The following UPF2 variants were observed in gnomAD, a reference collection of about 807,000 sequenced individuals.
The protein encoded by UPF2 is regulator of nonsense transcripts 2.
In UPF2, 17 loss-of-function variants were observed where a neutral mutation model predicts 141.4. The ratio of observed to expected loss-of-function variants is 0.12; its 90% CI spans 0.08 to 0.18. UPF2 has a LOEUF of 0.18. Among genes scored for constraint, UPF2 ranks in the 10% least tolerant of loss-of-function variants. The pLI is 1.00. For missense variants in UPF2, 1,152 were observed against 1,515.9 expected, an observed-to-expected ratio of 0.76 and a Z score of 3.99; for synonymous variants, 540 against 498.0, an observed-to-expected ratio of 1.08 and a Z score of -1.12.
intron 19 of UPF2, among the ~76,000 whole-genome samples, chr10:11,934,883 C>T (rs747916029): frequency 1.1e-4 from 17 of 152,094 alleles, no homozygotes; most frequent in Non-Finnish European, 2.1e-4. Context: ...CCACTATGCC[C>T]GGCCACACAC....
At position 11,922,635 on chromosome 10, in the gene UPF2, C is replaced by T. The variant is rs559087235; in HGVS notation, c.3810-1328G>A. ...GTCATTTGACTGGTTTATAAGCAAA[C>T]AATCATTCTGAGTGACTCAAAAATC... On this transcript the variant is annotated intron_variant, in intron 21 of 21. Transcript: ENST00000357604. 2.0e-5 allele frequency among the ~76,000 whole-genome samples: 3 copies of T among 152,274 alleles called. No homozygotes were observed. In the South Asian group the frequency reaches 6.2e-4, roughly 32 times the overall value.
chr10:11,923,792 T>TTG (rs1832677344), intron 21 of UPF2, among the ~76,000 whole-genome samples: 1 of 151,866 alleles, frequency 6.6e-6, no homozygotes, highest in Admixed American at 6.6e-5. Context: ...TGAGCCGAGA[T>TTG]CCCGGCACTG....
At position 11,942,697 on chromosome 10, in the gene UPF2, C is replaced by T; in HGVS notation, c.3346G>A (p.Ala1116Thr). 6.2e-7 allele frequency: 1 copy of T among 1,613,988 alleles called. No individual in the cohort carries two copies. Residue 1116 changes from alanine to threonine, a missense_variant, in exon 18 of 22, where the codon GCT becomes ACT. By Grantham distance (58) the Ala-to-Thr change is moderately conservative. Coordinates refer to ENST00000357604, the MANE Select transcript of UPF2 (RefSeq NM_015542.4). ...TTTTCTAGCATCATTTTATCCAGAG[C>T]TTGAATGAAGTCCTCATCTTCTACA... ...PCVEDEDFIQ[A>T]LDKMMLENLQ...
intron 4 of UPF2, among the ~76,000 whole-genome samples, chr10:12,005,007 TA>T (rs1056387431): frequency 2.6e-5 from 4 of 152,086 alleles, no homozygotes; most frequent in African/African-American, 9.7e-5. Flanking sequence ...AGCCATTTGA[TA>T]AATTAGGTCT....
Position 11,939,242 on chromosome 10 carries a change from C to T in UPF2, c.3379-2530G>A, listed in dbSNP as rs1832906107. Among the ~76,000 whole-genome samples, 3 of 152,210 alleles carry T rather than the reference C, an allele frequency of 2.0e-5. No homozygotes were observed. The South Asian group carries it at 6.2e-4, about 32-fold the overall frequency. ...AAGGAATACTAACAGTATCTGACAG[C>T]ACTATGCAAAGAATAGATGTAAAGC... On this transcript the variant is annotated intron_variant, in intron 18 of 21. Coordinates refer to ENST00000357604, the MANE Select transcript of UPF2 (RefSeq NM_015542.4). This position sits in a 1 kb window ranked among gnomAD's most constrained non-coding sequence, Gnocchi z 4.8.
intron 3 of UPF2, among the ~76,000 whole-genome samples, chr10:12,017,741 CA>C (rs1366778260): frequency 6.6e-6 from 1 of 152,098 alleles, no homozygotes; most frequent in Non-Finnish European, 1.5e-5. Flanking sequence ...CTTTTACTCC[CA>C]TTTTTTTATT....
chr10:12,026,773 C>G lies in UPF2; in HGVS notation c.1145+1972G>C, dbSNP rs909813750. On this transcript the variant is annotated intron_variant, in intron 3 of 21. Transcript: ENST00000357604. ...TCAAGTGATTCTCCTGCCTCAGTCCCCCACAAGTAGCTGGGATTACCGGGG... is the reference window on the plus strand; with the variant it reads ...TCAAGTGATTCTCCTGCCTCAGTCCGCCACAAGTAGCTGGGATTACCGGGG... 7.2e-4 allele frequency: 288 copies of G among 402,712 alleles called. 1 individual carries two copies. Among genetic ancestry groups the G allele is most frequent in the African/African-American group, 5.3e-3 (251 of 47,308 alleles). The allele number at this position is 402,712 out of a possible 1,614,324, so 24.9% of individuals were successfully genotyped here. A position where few individuals can be genotyped will look rare whatever the true frequency, so the allele number is the denominator to read the frequency against.
At chr10:11,997,164 G>C (rs1228806989) in intron 8 of UPF2, among the ~76,000 whole-genome samples, 1 of 152,100 alleles carries the variant, frequency 6.6e-6, no homozygotes, top group Non-Finnish European at 1.5e-5. Flanking sequence ...TGTGTGTCTT[G>C]AATTACTAGC....
Position 12,028,808 on chromosome 10 carries a change from G to A in UPF2, c.1082C>T (p.Thr361Met), listed in dbSNP as rs551914378. ...CCTTTTCAGGTGTTTGGTCAAAGACGTAAAGTACTCTTTTAAAAGATTCTG... is the reference window on the plus strand; with the variant it reads ...CCTTTTCAGGTGTTTGGTCAAAGACATAAAGTACTCTTTTAAAAGATTCTG... ...PFQNLLKEYF[T>M]SLTKHLKRDH... Residue 361 changes from threonine to methionine, a missense_variant, in exon 3 of 22, where the codon ACG becomes ATG. Transcript: ENST00000357604. The A allele has an allele frequency of 5.6e-6, 9 of 1,614,066 alleles. No homozygotes were observed. The highest frequency in any genetic ancestry group is 2.7e-5 in the African/African-American group (2 of 75,046).
chr10:11,986,619 C>T (rs1655236715), intron 8 of UPF2, among the ~76,000 whole-genome samples: 1 of 152,054 alleles, frequency 6.6e-6, no homozygotes, highest in Admixed American at 6.6e-5. Context: ...AACGCTGTTA[C>T]GGTGCAATTA....
chr10:11,972,387 TTTA>T (rs1833434124), intron 9 of UPF2, among the ~76,000 whole-genome samples: 2 of 152,302 alleles, frequency 1.3e-5, no homozygotes, highest in Non-Finnish European at 2.9e-5. Flanking sequence ...CTCTCTTTTT[TTTA>T]TTATTATTAT....
At chr10:11,993,371 G>A (rs892528022) in intron 8 of UPF2, among the ~76,000 whole-genome samples, 3 of 151,966 alleles carry the variant, frequency 2.0e-5, no homozygotes, top group East Asian at 1.9e-4. Flanking sequence ...GCAACACATC[G>A]GGAGTCACAC....
In UPF2 at chr10:12,008,147, G is replaced by C. The variant is rs1834066336; in HGVS notation, c.1307-3420C>G. On this transcript the variant is annotated intron_variant, in intron 4 of 21. Transcript: ENST00000357604. ...CTCCACTCACCTCAGCCTCCCAAGTGCTTTTATAAATCAATTTTTTAAAAA... is the reference window on the plus strand; with the variant it reads ...CTCCACTCACCTCAGCCTCCCAAGTCCTTTTATAAATCAATTTTTTAAAAA... Among the ~76,000 whole-genome samples the C allele has an allele frequency of 2.0e-5, 3 of 151,812 alleles. No individual in the cohort carries two copies. The South Asian group carries it at 6.3e-4, about 32-fold the overall frequency.
intron 3 of UPF2, among the ~76,000 whole-genome samples, chr10:12,026,819 A>G (rs568186731): frequency 1.3e-5 from 2 of 151,906 alleles, no homozygotes; most frequent in African/African-American, 4.8e-5. Context: ...TGCCCGGCTA[A>G]TTTTTGCATT....
intron 3 of UPF2, among the ~76,000 whole-genome samples, chr10:12,024,345 G>C (rs757528558): frequency 2.6e-5 from 4 of 152,012 alleles, no homozygotes; most frequent in Non-Finnish European, 5.9e-5. Context: ...CACAGTGGCT[G>C]ACGCCTATAA....
chr10:11,947,359 A>T (rs1833013954), intron 16 of UPF2, among the ~76,000 whole-genome samples: 1 of 152,204 alleles, frequency 6.6e-6, no homozygotes, highest in Non-Finnish European at 1.5e-5. Context: ...TATATGTTGA[A>T]TTTCAGATTT....
intron 4 of UPF2, among the ~76,000 whole-genome samples, chr10:12,008,382 G>T (rs953997325): frequency 6.6e-6 from 1 of 151,982 alleles, no homozygotes; most frequent in Non-Finnish European, 1.5e-5. Context: ...TGTAATCCTA[G>T]CACCTGGGGA....
chr10:12,010,922 A>G (rs1006747663), intron 4 of UPF2, among the ~76,000 whole-genome samples: 2 of 152,110 alleles, frequency 1.3e-5, no homozygotes, highest in Non-Finnish European at 2.9e-5. Context: ...AAGACAGAGG[A>G]GTAACATCTT....
intron 1 of UPF2, among the ~76,000 whole-genome samples, chr10:12,039,172 T>A (rs1337912755): frequency 5.3e-5 from 8 of 152,178 alleles, no homozygotes; most frequent in African/African-American, 1.9e-4. Flanking sequence ...TGGGTATTAT[T>A]TTCCCTATTT....
Sources: allele counts gnomAD v4.1 joint callset (sites outside exome capture counted in the v4.1 genomes callset), GRCh38; gene constraint gnomAD v4.1.1; non-coding constraint Gnocchi (gnomAD v3.1); transcripts MANE v1.5; gene names NCBI Gene and HGNC (gene_info 2026-07-23, HGNC 2026-07-21).